The following NCOA1 variants were observed in gnomAD, a reference collection of about 807,000 sequenced individuals.
NCOA1 encodes Hin-2 protein.
A neutral mutation model predicts 150.9 loss-of-function variants in NCOA1; 35 were observed. The observed-to-expected ratio is 0.23, with a 90% confidence interval of 0.18 to 0.31. The LOEUF is 0.31. Among genes scored for constraint, NCOA1 ranks in the 10% least tolerant of loss-of-function variants. The pLI, the probability that NCOA1 is intolerant of heterozygous loss-of-function variation, is 1.00. For synonymous variants in NCOA1, 590 were observed against 630.0 expected, an observed-to-expected ratio of 0.94 and a Z score of 0.95; for missense variants, 1,491 against 1,749.3, an observed-to-expected ratio of 0.85 and a Z score of 2.63.
intron 19 of NCOA1, among the ~76,000 whole-genome samples, chr2:24,743,098 C>T (rs1340194664): frequency 3.3e-5 from 5 of 152,158 alleles, no homozygotes; most frequent in Non-Finnish European, 1.5e-5. Context: ...CAGTGATGAA[C>T]ATCTGATTAG....
intron 11 of NCOA1, among the ~76,000 whole-genome samples, chr2:24,698,114 A>C (rs1378497685): frequency 2.0e-5 from 3 of 152,200 alleles, no homozygotes; most frequent in Non-Finnish European, 4.4e-5. Context: ...ATGACTAAAA[A>C]AGAAGGTTTT....
chr2:24,753,304 C>T (rs887436418), intron 20 of NCOA1, among the ~76,000 whole-genome samples: 9 of 152,044 alleles, frequency 5.9e-5, no homozygotes, highest in African/African-American at 2.2e-4. Flanking sequence ...GCAAAATTCT[C>T]CCTAATGAAA....
chr2:24,660,722 G>A (rs980808306), intron 5 of NCOA1, among the ~76,000 whole-genome samples: 1 of 152,004 alleles, frequency 6.6e-6, no homozygotes, highest in Non-Finnish European at 1.5e-5. Context: ...GTTACAGCCA[G>A]CCCTGCAGCA....
chr2:24,667,192 C>T (rs547735990), intron 6 of NCOA1, among the ~76,000 whole-genome samples: 12 of 152,194 alleles, frequency 7.9e-5, no homozygotes, highest in South Asian at 4.2e-4. Flanking sequence ...CAGGAGAAAC[C>T]GTACTGTAAA....
chr2:24,691,650 G>A lies in NCOA1; in HGVS notation c.702G>A (p.Glu234=), dbSNP rs760564204. The A allele has an allele frequency of 8.7e-6, 14 of 1,613,326 alleles. No individual in the cohort carries two copies. The highest frequency in any genetic ancestry group is 6.7e-5 in the Admixed American group (4 of 59,944). ...FTVSQPKSIQ[E]DGEDFQSCLI... is the part of the protein sequence containing the mutation. ...TGTCACAGCCAAAATCAATTCAAGA[G>A]GATGGAGAAGGTAAAGCCAAACGGT... The change falls in exon 9 of 23, where the codon GAG becomes GAA. Residue 234 remains glutamate, a synonymous_variant. Coordinates refer to ENST00000348332, the MANE Select transcript of NCOA1 (RefSeq NM_003743.5).
At chr2:24,641,210 T>G (rs1315646070) in intron 3 of NCOA1, among the ~76,000 whole-genome samples, 1 of 151,576 alleles carries the variant, frequency 6.6e-6, no homozygotes, top group Non-Finnish European at 1.5e-5. Flanking sequence ...ATGTAAAATT[T>G]AAGAGCCTTG....
chr2:24,638,036 T>A (rs1461345571), intron 3 of NCOA1, among the ~76,000 whole-genome samples: 1 of 152,096 alleles, frequency 6.6e-6, no homozygotes, highest in East Asian at 1.9e-4. Flanking sequence ...TATCCAACAG[T>A]GGTATAGAAC....
At chr2:24,754,817 A>G (rs1240186922) in intron 20 of NCOA1, among the ~76,000 whole-genome samples, 3 of 152,178 alleles carry the variant, frequency 2.0e-5, no homozygotes, top group South Asian at 2.1e-4. Context: ...CCCTTCATAT[A>G]CATCTATCAA....
At chr2:24,758,325 AC>A (rs938449779) in intron 21 of NCOA1, among the ~76,000 whole-genome samples, 169 bp downstream of exon 21, 3 of 136,834 alleles carry the variant, frequency 2.2e-5, no homozygotes, top group African/African-American at 8.2e-5. Context: ...ATTTTGACAG[AC>A]TTTTTTTTTT....
intron 1 of NCOA1, among the ~76,000 whole-genome samples, chr2:24,537,235 T>TACACAC (rs1241311718): frequency 6.4e-5 from 4 of 62,666 alleles, no homozygotes; most frequent in Admixed American, 2.7e-4. Flanking sequence ...GTAACTGTGA[T>TACACAC]ACATACACAC....
At chr2:24,666,294 G>A (rs908204131) in intron 6 of NCOA1, among the ~76,000 whole-genome samples, 5 of 152,034 alleles carry the variant, frequency 3.3e-5, no homozygotes, top group Admixed American at 2.0e-4. Context: ...GATTACAGGC[G>A]TGAGCCACCG....
chr2:24,497,544 A>G (rs4665265), intron 1 of NCOA1, among the ~76,000 whole-genome samples: 6,050 of 152,180 alleles, frequency 0.04, 141 homozygotes, highest in East Asian at 0.11. Context: ...TGGTGGCGCA[A>G]GCCTGTAGTC....
rs765846521 is a variant in NCOA1, at chr2:24,742,206, ATGT to A, written c.3706+25_3706+27del. ...GAGCAGGTAGGAAGGTCACAACTTTATGTTGTTCTAAGTAATCCATACAGGCTT... is the reference window on the plus strand; with the variant it reads ...GAGCAGGTAGGAAGGTCACAACTTTATGTTCTAAGTAATCCATACAGGCTT... On this transcript the variant is annotated intron_variant, in intron 19 of 22. Transcript: ENST00000348332. 1.9e-6 allele frequency: 3 copies of A among 1,592,626 alleles called. No homozygotes were observed. Among genetic ancestry groups the A allele is most frequent in the Admixed American group, 1.7e-5 (1 of 58,388 alleles).
intron 17 of NCOA1, among the ~76,000 whole-genome samples, chr2:24,732,735 A>G (rs983317273): frequency 6.6e-6 from 1 of 152,194 alleles, no homozygotes; most frequent in African/African-American, 2.4e-5. Context: ...GATGTTATCA[A>G]GGACCCAGGT....
intron 2 of NCOA1, among the ~76,000 whole-genome samples, chr2:24,578,080 A>G (rs183077299): frequency 6.6e-6 from 1 of 152,086 alleles, no homozygotes; most frequent in East Asian, 1.9e-4. Flanking sequence ...GCTACTGGCA[A>G]ATTTTTTTGG....
chr2:24,527,402 A>G (rs1218955439), intron 1 of NCOA1, among the ~76,000 whole-genome samples: 1 of 152,104 alleles, frequency 6.6e-6, no homozygotes, highest in African/African-American at 2.4e-5. Context: ...ATGTGAGGTC[A>G]TATAATCTTC....
intron 22 of NCOA1, chr2:24,767,932 A>G (rs894296043): frequency 1.5e-6 from 1 of 687,230 alleles, no homozygotes; most frequent in Non-Finnish European, 2.4e-6. Context: ...GCTTCTCCCA[A>G]TCTTGGCAAC....
At chr2:24,750,930 G>T (rs1052745739) in intron 19 of NCOA1, among the ~76,000 whole-genome samples, 2 of 148,592 alleles carry the variant, frequency 1.3e-5, no homozygotes, top group South Asian at 2.2e-4. Context: ...GGGAAGGAGG[G>T]GGGGAAGAGT....
intron 3 of NCOA1, among the ~76,000 whole-genome samples, chr2:24,639,916 GTATATATATATATATATATATATA>G (rs67632791): frequency 0.12 from 3,475 of 29,752 alleles, 398 homozygotes; most frequent in East Asian, 0.48. Flanking sequence ...ATGTGTGTGT[GTATATATATATATATATATATATA>G]TATATATATA....
Sources: allele counts gnomAD v4.1 joint callset (sites outside exome capture counted in the v4.1 genomes callset), GRCh38; gene constraint gnomAD v4.1.1; transcripts MANE v1.5; gene names NCBI Gene and HGNC (gene_info 2026-07-23, HGNC 2026-07-21).